Variants in PSMG2 observed in about 807,000 individuals in gnomAD.
PSMG2 encodes proteasome assembly chaperone 2.
In PSMG2, 21 loss-of-function variants were observed where a neutral mutation model predicts 31.5. That is an observed-to-expected ratio of 0.67 (90% CI 0.47 to 0.96). The LOEUF (loss-of-function observed/expected upper bound fraction) is 0.96, where lower values mean the gene tolerates loss of function less well. PSMG2 is among the 40% of genes least tolerant of loss of function. The pLI is 0.00. For synonymous variants in PSMG2, 120 were observed against 110.4 expected (o/e 1.09, Z -0.54); for missense variants, 318 against 321.2 (o/e 0.99, Z 0.08).
chr18:12,673,293 A>G, intron 1 of PSMG2: 1 of 1,517,430 alleles, frequency 6.6e-7, no homozygotes, highest in Non-Finnish European at 8.8e-7. Flanking sequence ...ACAAACCTCT[A>G]AATAGCTAAG....
At chr18:12,702,793 G>T (rs977823759), upstream of PSMG2, 3 of 567,370 alleles carry the variant, frequency 5.3e-6, no homozygotes, top group Admixed American at 3.5e-5. Context: ...GGGCTGGCCC[G>T]CACGCTGCCT....
At chr18:12,683,765 A>G (rs2039436175) in intron 1 of PSMG2, among the ~76,000 whole-genome samples, 2 of 152,062 alleles carry the variant, frequency 1.3e-5, no homozygotes. Flanking sequence ...TAAAAAAAAA[A>G]GGAAATCAGA....
intron 2 of PSMG2, among the ~76,000 whole-genome samples, chr18:12,710,489 G>A (rs895531621): frequency 2.0e-5 from 3 of 152,104 alleles, no homozygotes; most frequent in Non-Finnish European, 2.9e-5. Context: ...TCATATATCC[G>A]ATTGTTGTGC....
chr18:12,698,298 G>A (rs528081559), upstream of PSMG2, among the ~76,000 whole-genome samples: 10 of 151,652 alleles, frequency 6.6e-5, no homozygotes, highest in South Asian at 8.3e-4. Flanking sequence ...GGGTGATCTC[G>A]GCTCATTACA....
At chr18:12,689,793 C>T (rs1598644990) in intron 1 of PSMG2, among the ~76,000 whole-genome samples, 1 of 151,658 alleles carries the variant, frequency 6.6e-6, no homozygotes, top group Non-Finnish European at 1.5e-5. Context: ...TATTTTTTGT[C>T]GTTGTTATTG....
rs184345590 is a variant in PSMG2 at position 12,704,200 on chromosome 18, A to G, written c.57+1036A>G. Among the ~76,000 whole-genome samples the G allele has an allele frequency of 1.1e-3, 164 of 152,348 alleles. 1 individual carries two copies. The highest frequency in any genetic ancestry group is 1.9e-3 in the Non-Finnish European group (130 of 68,028). On this transcript the variant is annotated intron_variant, in intron 1 of 6. Coordinates refer to ENST00000317615, the MANE Select transcript of PSMG2 (RefSeq NM_020232.5). ...ATGGTCACCTGGACAAACAGTTACC[A>G]GTGAAGTGGTGAAGAGGAAAGCCAT...
intron 1 of PSMG2, among the ~76,000 whole-genome samples, chr18:12,679,464 G>A (rs1417671507): frequency 1.3e-5 from 2 of 152,026 alleles, no homozygotes; most frequent in Non-Finnish European, 2.9e-5. Context: ...TGGCTTTGTG[G>A]AGCGTCCGTT....
chr18:12,672,630 G>A, intron 1 of PSMG2: 1 of 981,126 alleles, frequency 1.0e-6, no homozygotes, highest in Non-Finnish European at 1.2e-6. Context: ...GAAAATCAGT[G>A]ATCGACTGCA....
rs1038582256 is a variant in PSMG2, at chr18:12,704,931, AGTT to A, written c.58-1614_58-1612del. 3.8e-4 allele frequency among the ~76,000 whole-genome samples: 58 copies of A among 152,180 alleles called. 2 individuals carry two copies. Among genetic ancestry groups the A allele is most frequent in the Non-Finnish European group, 5.9e-5 (4 of 68,036 alleles). ...CACCCGAAGGACAGAAAACAAAAGG[AGTT>A]GTTGGAAGAATGCAAAGGAGGAGCT... On this transcript the variant is annotated intron_variant, in intron 1 of 6. Coordinates refer to ENST00000317615, the MANE Select transcript of PSMG2 (RefSeq NM_020232.5).
intron 1 of PSMG2, among the ~76,000 whole-genome samples, chr18:12,697,819 G>GC (rs71371296): frequency 0.092 from 13,961 of 152,102 alleles, 879 homozygotes; most frequent in Non-Finnish European, 0.13. Flanking sequence ...GAAAAATACA[G>GC]CACATCGAAT....
intron 1 of PSMG2, among the ~76,000 whole-genome samples, chr18:12,676,081 A>T (rs1424605394): frequency 6.6e-6 from 1 of 152,142 alleles, no homozygotes; most frequent in Non-Finnish European, 1.5e-5. Context: ...TTTGATTATC[A>T]TAATGGATCT....
chr18:12,717,677 G>A (rs1413609272), intron 3 of PSMG2, among the ~76,000 whole-genome samples: 1 of 152,142 alleles, frequency 6.6e-6, no homozygotes. Context: ...ATCCATTGAT[G>A]GTTCACAGGT....
intron 1 of PSMG2, among the ~76,000 whole-genome samples, chr18:12,695,852 CCA>C (rs375916938): frequency 0.13 from 19,947 of 148,090 alleles, 1,404 homozygotes; most frequent in African/African-American, 0.16. Flanking sequence ...CATTCCTTCT[CCA>C]CACACACACA....
chr18:12,699,640 C>T (rs1052885631), upstream of PSMG2, among the ~76,000 whole-genome samples: 1 of 152,076 alleles, frequency 6.6e-6, no homozygotes, highest in Non-Finnish European at 1.5e-5. Flanking sequence ...GCTGTTTTTG[C>T]TTCTACCGTG....
chr18:12,697,722 T>C (rs1244247914), intron 1 of PSMG2, among the ~76,000 whole-genome samples: 1 of 152,188 alleles, frequency 6.6e-6, no homozygotes, highest in East Asian at 1.9e-4. Context: ...ATAAAAAGCC[T>C]TCAAGTATGT....
Position 12,720,672 on chromosome 18 carries a change from C to A in PSMG2, c.570C>A (p.Leu190=). Residue 190 remains leucine, a synonymous_variant, in exon 5 of 7, where the codon CTC becomes CTA. Transcript: ENST00000317615. ...CGGGAGGAGGTATCACAAAAACACT[C>A]TATGATGAAAGGTGAGTTTGTTTGC... The part of the protein sequence containing the change: ...RIPGGGITKT[L]YDESCSKEIQ... 1 of 1,607,554 alleles carries A rather than the reference C, an allele frequency of 6.2e-7. No individual in the cohort carries two copies. Among genetic ancestry groups the A allele is most frequent in the African/African-American group, 1.3e-5 (1 of 74,484 alleles).
chr18:12,701,047 G>T, upstream of PSMG2: 1 of 1,613,470 alleles, frequency 6.2e-7, no homozygotes, highest in Non-Finnish European at 8.5e-7. Flanking sequence ...AAATGCTGTT[G>T]ATCAGGTGCC....
chr18:12,707,474 A>G (rs1598679480), intron 2 of PSMG2, among the ~76,000 whole-genome samples: 1 of 152,176 alleles, frequency 6.6e-6, no homozygotes, highest in African/African-American at 2.4e-5. Flanking sequence ...TTCTTCCATT[A>G]TAGGATCCAT....
At chr18:12,691,245 A>G in intron 1 of PSMG2, 1 of 654,834 alleles carries the variant, frequency 1.5e-6, no homozygotes, top group Non-Finnish European at 2.4e-6. Flanking sequence ...TTATTTTACA[A>G]ATACACTTTT....
Sources: gnomAD v4.1 joint callset for allele counts (sites outside exome capture counted in the v4.1 genomes callset) on GRCh38, gnomAD v4.1.1 for gene constraint, MANE v1.5 for transcripts, NCBI Gene and HGNC (gene_info 2026-07-23, HGNC 2026-07-21) for gene names.